DNMT3A: variants seen among roughly 807,000 people sequenced by gnomAD.
The protein encoded by DNMT3A is DNA (cytosine-5)-methyltransferase 3A.
A neutral mutation model predicts 117.6 loss-of-function variants in DNMT3A; 267 were observed. The observed-to-expected ratio is 2.27, with a 90% CI of 2.05 to 2.51. DNMT3A has a LOEUF of 2.51. Ranked by LOEUF, DNMT3A falls within the 30% of genes most tolerant of loss-of-function variation. The pLI is 0.00. For synonymous variants in DNMT3A, 432 were observed against 474.8 expected (o/e 0.91, Z 1.17); for missense variants, 1,029 against 1,260.2 (o/e 0.82, Z 2.78).
intron 12 of DNMT3A, 70 bp from the exon 13 acceptor site, chr2:25,245,402 G>T: frequency 1.4e-6 from 2 of 1,399,728 alleles, no homozygotes; most frequent in Non-Finnish European, 2.0e-6. Context: ...CCGGAGCCCA[G>T]CACCAGACCA....
At chr2:25,291,044 A>T (rs1000648667) in intron 3 of DNMT3A, among the ~76,000 whole-genome samples, 1 of 152,196 alleles carries the variant, frequency 6.6e-6, no homozygotes, top group African/African-American at 2.4e-5. Context: ...AGACTTGAGA[A>T]GGAGGCACCC....
rs559057109 is a variant in DNMT3A, at chr2:25,242,005, G to A, written c.1937-298C>T. ...GAAGAATCACAGCTGACTTTTTGGG[G>A]GCCTTTTCTTTGTTGTTGTCCGTCT... On this transcript the variant is annotated intron_variant, in intron 16 of 22. Coordinates refer to ENST00000321117, the MANE Select transcript of DNMT3A (RefSeq NM_022552.5). The A allele has an allele frequency of 1.2e-5, 5 of 414,246 alleles. No individual in the cohort carries two copies. In the South Asian group the frequency reaches 1.3e-4, roughly 11 times the overall value. 25.7% of individuals were successfully genotyped at this position (414,246 alleles called of 1,614,324 possible).
chr2:25,319,874 A>G (rs1440734867), intron 1 of DNMT3A, among the ~76,000 whole-genome samples: 2 of 151,914 alleles, frequency 1.3e-5, no homozygotes, highest in African/African-American at 4.8e-5. Context: ...GGTTCAAGCA[A>G]TTCTCTTGCC....
At chr2:25,308,968 T>TACAC (rs10628428) in intron 2 of DNMT3A, among the ~76,000 whole-genome samples, 10,692 of 143,928 alleles carry the variant, frequency 0.074, 504 homozygotes, top group African/African-American at 0.14. Flanking sequence ...CACAGATGCA[T>TACAC]ACACACACAC....
Position 25,234,770 on chromosome 2 carries a change from C to T in DNMT3A, c.2598-350G>A, listed in dbSNP as rs946474897. Reference sequence around the variant, plus strand: ...CCTCCAGGACACACTCTCTAGTTCTCCTCTCCTGCAGGGTTAGCTCGGCAA... The same window carrying T: ...CCTCCAGGACACACTCTCTAGTTCTTCTCTCCTGCAGGGTTAGCTCGGCAA... On this transcript the variant is annotated intron_variant, in intron 22 of 22. Coordinates refer to ENST00000321117, the MANE Select transcript of DNMT3A (RefSeq NM_022552.5). The surrounding 1 kb of genome is among the most constrained non-coding windows in gnomAD (Gnocchi z 4.5). 2.6e-5 allele frequency among the ~76,000 whole-genome samples: 4 copies of T among 152,160 alleles called. No individual in the cohort carries two copies. The highest frequency in any genetic ancestry group is 9.7e-5 in the African/African-American group (4 of 41,450).
In DNMT3A at chr2:25,284,150, G is replaced by A. The variant is rs892342641; in HGVS notation, c.178-1439C>T. 1.1e-4 allele frequency among the ~76,000 whole-genome samples: 16 copies of A among 151,100 alleles called. 1 individual carries two copies. The highest frequency in any genetic ancestry group is 4.0e-4 in the African/African-American group (16 of 40,446). ...AGGCTGCACTCAGCAACTCTGCCTC[G>A]CTGGCTCCGTATGCAGAACACCTAC... On this transcript the variant is annotated intron_variant, in intron 3 of 22. Transcript: ENST00000321117.
rs1485092484 is a variant in DNMT3A, at chr2:25,257,719, C to T, written c.640-9467G>A. Among the ~76,000 whole-genome samples the T allele has an allele frequency of 6.6e-6, 1 of 152,142 alleles. No homozygotes were observed. Among genetic ancestry groups the T allele is most frequent in the Non-Finnish European group, 1.5e-5 (1 of 68,002 alleles). ...TTGGTTTAATTGCATCTGGATCACC[C>T]AAGGAGGGCTTTAAAAATACAGATT... is the stretch of plus-strand genomic sequence containing the variant. On this transcript the variant is annotated intron_variant, in intron 6 of 22. Coordinates refer to ENST00000321117, the MANE Select transcript of DNMT3A (RefSeq NM_022552.5). This position sits in a 1 kb window ranked among gnomAD's most constrained non-coding sequence, Gnocchi z 4.8.
At chr2:25,244,708 G>T (rs1674531928) in intron 13 of DNMT3A, 56 bp from the exon 14 acceptor site, 1 of 1,482,160 alleles carries the variant, frequency 6.7e-7, no homozygotes, top group Non-Finnish European at 9.4e-7. Context: ...GGACGGCCAG[G>T]ACGAAGGGAG....
chr2:25,328,295 C>T (rs1432271193), intron 1 of DNMT3A, among the ~76,000 whole-genome samples: 1 of 152,144 alleles, frequency 6.6e-6, no homozygotes, highest in Non-Finnish European at 1.5e-5. Context: ...CTGGCTACAA[C>T]GCAGCCTCCG....
rs776088359 is a variant in DNMT3A at position 25,246,632 on chromosome 2, C to G, written c.1267G>C (p.Glu423Gln). 6.2e-7 allele frequency: 1 copy of G among 1,612,666 alleles called. No individual in the cohort carries two copies. Residue 423 changes from glutamate (E) to glutamine (Q), a missense_variant, in exon 10 of 23, where the codon GAG becomes CAG. Physicochemically the swap from Glu to Gln is conservative, Grantham distance 29. Transcript: ENST00000321117. ...GFQPSGPKGL[E>Q]PPEEEKNPYK... ...TGCCCTCATTTACCTTCTGGTGGCTCCAGGCCCTTAGGGCCAGAAGGCTGG... is the reference window on the plus strand; with the variant it reads ...TGCCCTCATTTACCTTCTGGTGGCTGCAGGCCCTTAGGGCCAGAAGGCTGG...
Position 25,237,067 on chromosome 2 carries a change from C to T in DNMT3A, c.2409-62G>A. ...TGGATAACAGCGGGAAGGGCCCCAG[C>T]TGCACGACTCCCCTCCCTCCCCCAG... On this transcript the variant is annotated intron_variant, in intron 20 of 22. Transcript: ENST00000321117. This position sits in a 1 kb window ranked among gnomAD's most constrained non-coding sequence, Gnocchi z 5.4. 9.1e-6 allele frequency: 14 copies of T among 1,545,984 alleles called. No individual in the cohort carries two copies. The highest frequency in any genetic ancestry group is 1.2e-5 in the Non-Finnish European group (14 of 1,129,744).
chr2:25,249,406 G>A (rs1675247954), intron 6 of DNMT3A, among the ~76,000 whole-genome samples: 1 of 152,090 alleles, frequency 6.6e-6, no homozygotes, highest in Non-Finnish European at 1.5e-5. Context: ...AACACCATAG[G>A]AAGCTCCCCA....
rs1202526721 is a variant in DNMT3A, at chr2:25,241,686, A to T, written c.1958T>A (p.Leu653Ter). ...AATGTAGCGGTCCACCTGAATGCCC[A>T]AGTCCTTCAGCACCAGGAGCCCTGC... ...IATGLLVLKD[L>*]GIQVDRYIAS... Residue 653 changes from leucine to a stop codon, truncating the protein, a stop_gained, in exon 17 of 23, where the codon TTG becomes TAG. Coordinates refer to ENST00000321117, the MANE Select transcript of DNMT3A (RefSeq NM_022552.5). LOFTEE classifies it high-confidence loss of function. 1.9e-6 allele frequency: 3 copies of T among 1,613,822 alleles called. No homozygotes were observed. The highest frequency in any genetic ancestry group is 1.3e-5 in the African/African-American group (1 of 74,888).
chr2:25,314,263 GCTC>G (rs2034274841), intron 1 of DNMT3A, 102 bp from the exon 2 acceptor site: 39 of 1,296,514 alleles, frequency 3.0e-5, no homozygotes, highest in Non-Finnish European at 3.7e-5. Flanking sequence ...CTGGGGTGTT[GCTC>G]CTCCTTCTGG....
rs1363458221 is a variant in DNMT3A at position 25,240,710 on chromosome 2, G to GA, written c.2102dup (p.Asp702ArgfsTer11). The GA allele has an allele frequency of 6.2e-7, 1 of 1,614,070 alleles. No homozygotes were observed. Among genetic ancestry groups the GA allele is most frequent in the African/African-American group, 1.3e-5 (1 of 74,942 alleles). On this transcript the variant is annotated frameshift_variant, in exon 18 of 23. Transcript: ENST00000321117. LOFTEE classifies it high-confidence loss of function. ...AGGGACTGCCCCCAATCACCAGATC[G>GA]AATGGGCCCCACTCCTGGATCTGGG...
Position 25,302,942 on chromosome 2 carries a change from T to C in DNMT3A, c.73-2699A>G, listed in dbSNP as rs145619722. On this transcript the variant is annotated intron_variant, in intron 2 of 22. Coordinates refer to ENST00000321117, the MANE Select transcript of DNMT3A (RefSeq NM_022552.5). ...ATTTCCTAGTTACAGGAGCAGCCTCTCGGAGCCTCAGTTTCCTCATCCATA... is the reference window on the plus strand; with the variant it reads ...ATTTCCTAGTTACAGGAGCAGCCTCCCGGAGCCTCAGTTTCCTCATCCATA... 4.1e-4 allele frequency among the ~76,000 whole-genome samples: 62 copies of C among 152,332 alleles called. 1 individual carries two copies. The East Asian group carries it at 0.011, about 27-fold the overall frequency.
At position 25,309,213 on chromosome 2, in the gene DNMT3A, A is replaced by G. The variant is rs534795480; in HGVS notation, c.72+4700T>C. Among the ~76,000 whole-genome samples, 5 of 152,312 alleles carry G rather than the reference A, an allele frequency of 3.3e-5. No homozygotes were observed. The East Asian group carries it at 9.7e-4, about 29-fold the overall frequency. On this transcript the variant is annotated intron_variant, in intron 2 of 22. Transcript: ENST00000321117. Reference sequence around the variant, plus strand: ...AGCACGGTCACTCAGTTCATCCAACAGCCTTGCGGAGCCCTGCTACATGCT... The same window carrying G: ...AGCACGGTCACTCAGTTCATCCAACGGCCTTGCGGAGCCCTGCTACATGCT...
rs1001763616 is a variant in DNMT3A at position 25,234,512 on chromosome 2, C to G, written c.2598-92G>C. On this transcript the variant is annotated intron_variant, in intron 22 of 22. Transcript: ENST00000321117. The surrounding 1 kb of genome is among the most constrained non-coding windows in gnomAD (Gnocchi z 4.5). ...AACCACACAGCAGGACCCGGAGGACCAGCAGCCACCCGAAGTGCAGGGACA... is the reference window on the plus strand; with the variant it reads ...AACCACACAGCAGGACCCGGAGGACGAGCAGCCACCCGAAGTGCAGGGACA... 7.6e-6 allele frequency: 11 copies of G among 1,440,432 alleles called. No homozygotes were observed. The highest frequency in any genetic ancestry group is 1.0e-5 in the Non-Finnish European group (11 of 1,077,728). 89.2% of individuals were successfully genotyped at this position (1,440,432 alleles called of 1,614,324 possible).
chr2:25,235,131 G>A (rs775281002), intron 22 of DNMT3A, among the ~76,000 whole-genome samples: 2 of 151,888 alleles, frequency 1.3e-5, no homozygotes, highest in Admixed American at 1.3e-4. Flanking sequence ...GGTTCCCTGG[G>A]GGATCAGCAG....
Sources: gnomAD v4.1 joint callset for allele counts (sites outside exome capture counted in the v4.1 genomes callset) on GRCh38, gnomAD v4.1.1 for gene constraint, Gnocchi (gnomAD v3.1) non-coding constraint, MANE v1.5 for transcripts, NCBI Gene and HGNC (gene_info 2026-07-23, HGNC 2026-07-21) for gene names.